Variants in DNM3 observed in about 807,000 individuals in gnomAD.
DNM3 encodes the protein dynamin-3.
DNM3 carries 47 observed loss-of-function variants against 101.6 expected under a neutral mutation model. That is an observed-to-expected ratio of 0.46 (90% CI 0.37 to 0.59). The LOEUF is 0.59. Among genes scored for constraint, DNM3 ranks in the 20% least tolerant of loss-of-function variants. The pLI is 0.00. For missense variants in DNM3, 849 were observed against 1,085.7 expected (o/e 0.78, Z 3.06); for synonymous variants, 385 against 387.9 (o/e 0.99, Z 0.09).
Position 171,992,642 on chromosome 1 carries a change from C to T in DNM3, c.589+3494C>T, listed in dbSNP as rs186596350. Among the ~76,000 whole-genome samples, 16 of 152,184 alleles carry T rather than the reference C, an allele frequency of 1.1e-4. No homozygotes were observed. In the East Asian group the frequency reaches 2.5e-3, roughly 24 times the overall value. On this transcript the variant is annotated intron_variant, in intron 4 of 20. Transcript: ENST00000627582. ...GAACTGCTGCTCCACCATTTACAGA[C>T]CTACTTGCCCCCAGTTTTTATATCC... is the stretch of plus-strand genomic sequence containing the variant.
Position 172,412,503 on chromosome 1 carries a change from T to C in DNM3, c.*4662T>C. ...AGGAATATACAGAAGTAAAATCTTGTCTTCTCTGCTGATTCTTTAATTAAT... is the reference window on the plus strand; with the variant it reads ...AGGAATATACAGAAGTAAAATCTTGCCTTCTCTGCTGATTCTTTAATTAAT... On this transcript the variant is annotated 3_prime_UTR_variant, in exon 21 of 21. Coordinates refer to ENST00000627582, the MANE Select transcript of DNM3 (RefSeq NM_015569.5). 1.0e-6 allele frequency: 1 copy of C among 985,832 alleles called. No individual in the cohort carries two copies. The highest frequency in any genetic ancestry group is 1.2e-6 in the Non-Finnish European group (1 of 829,902). 61.1% of individuals were successfully genotyped at this position (985,832 alleles called of 1,614,324 possible).
chr1:171,857,516 T>A (rs1056228623), intron 1 of DNM3, among the ~76,000 whole-genome samples: 3 of 152,302 alleles, frequency 2.0e-5, no homozygotes, highest in Non-Finnish European at 4.4e-5. Context: ...AGATCTTCCA[T>A]TCTACCATCA....
At chr1:172,327,489 C>T (rs2065984586) in intron 17 of DNM3, among the ~76,000 whole-genome samples, 1 of 152,144 alleles carries the variant, frequency 6.6e-6, no homozygotes, top group Non-Finnish European at 1.5e-5. Context: ...CTCATCCTCA[C>T]AATGTGAAAA....
At position 172,061,983 on chromosome 1, in the gene DNM3, C is replaced by G. The variant is rs1056450918; in HGVS notation, c.1336-6836C>G. On this transcript the variant is annotated intron_variant, in intron 10 of 20. Transcript: ENST00000627582. Reference sequence around the variant, plus strand: ...GTAATAGGCTTTAGTGCCCAGGCTTCGAATCAGACTGGTTATTAAAGTCTG... The same window carrying G: ...GTAATAGGCTTTAGTGCCCAGGCTTGGAATCAGACTGGTTATTAAAGTCTG... Among the ~76,000 whole-genome samples, 9 of 152,210 alleles carry G rather than the reference C, an allele frequency of 5.9e-5. No individual in the cohort carries two copies. In the South Asian group the frequency reaches 8.3e-4, roughly 14 times the overall value.
chr1:172,340,073 G>T (rs2066620330), intron 17 of DNM3, among the ~76,000 whole-genome samples: 1 of 152,154 alleles, frequency 6.6e-6, no homozygotes, highest in South Asian at 2.1e-4. Context: ...GCTGTATGAA[G>T]AATGGATTTA....
At chr1:172,294,779 CT>C (rs71808501) in intron 15 of DNM3, among the ~76,000 whole-genome samples, 15,233 of 151,782 alleles carry the variant, frequency 0.1, 1,070 homozygotes, top group African/African-American at 0.2. Context: ...CAGGCTGGGA[CT>C]GCAAGGCTGT....
intron 1 of DNM3, among the ~76,000 whole-genome samples, chr1:171,901,904 C>T (rs898864600): frequency 6.6e-6 from 1 of 152,160 alleles, no homozygotes; most frequent in Non-Finnish European, 1.5e-5. Flanking sequence ...CTTAGTGCTT[C>T]TTACATAAAT....
chr1:172,266,377 A>G (rs1207119448), intron 15 of DNM3, among the ~76,000 whole-genome samples: 6 of 152,184 alleles, frequency 3.9e-5, no homozygotes, highest in Admixed American at 2.0e-4. Context: ...TTACTCTTCC[A>G]TAAATAGGGA....
At chr1:172,133,993 G>C (rs567183980) in intron 14 of DNM3, among the ~76,000 whole-genome samples, 2 of 152,146 alleles carry the variant, frequency 1.3e-5, no homozygotes, top group Non-Finnish European at 2.9e-5. Context: ...TGGATTGATG[G>C]TTTAGAAAGA....
chr1:172,301,834 G>C (rs978091764), intron 15 of DNM3, among the ~76,000 whole-genome samples: 2 of 152,250 alleles, frequency 1.3e-5, no homozygotes, highest in East Asian at 3.9e-4. Flanking sequence ...TAGAGGGTGG[G>C]AGGGAGAGAA....
At chr1:171,938,064 CT>C (rs773988329) in intron 2 of DNM3, among the ~76,000 whole-genome samples, 2 of 147,022 alleles carry the variant, frequency 1.4e-5, no homozygotes, top group Middle Eastern at 3.5e-3. Flanking sequence ...AGCAATCGTT[CT>C]TTTTATGATT....
Position 172,315,289 on chromosome 1 carries a change from GA to G in DNM3, c.1881+6456del, listed in dbSNP as rs1474260128. Among the ~76,000 whole-genome samples the G allele has an allele frequency of 2.6e-5, 4 of 152,142 alleles. No individual in the cohort carries two copies. The East Asian group carries it at 5.8e-4, about 22-fold the overall frequency. On this transcript the variant is annotated intron_variant, in intron 16 of 20. Coordinates refer to ENST00000627582, the MANE Select transcript of DNM3 (RefSeq NM_015569.5). ...AAGTAGATAAAACCACAAAGATGGG[GA>G]AAAAACAGAGCAGAAAAACTGGAAA... is the stretch of plus-strand genomic sequence containing the variant.
chr1:171,945,022 C>T (rs554903437), intron 2 of DNM3, among the ~76,000 whole-genome samples: 1 of 151,194 alleles, frequency 6.6e-6, no homozygotes, highest in Non-Finnish European at 1.5e-5. Context: ...CATCACCATG[C>T]CTGACTGATT....
chr1:172,294,916 A>G (rs1272404724), intron 15 of DNM3, among the ~76,000 whole-genome samples: 1 of 151,010 alleles, frequency 6.6e-6, no homozygotes, highest in African/African-American at 2.4e-5. Context: ...TGTCTCAAAA[A>G]AAAAAAAAAA....
At position 172,407,828 on chromosome 1, in the gene DNM3, C is replaced by T. The variant is rs1461567811; in HGVS notation, c.2579C>T (p.Ser860Phe). The T allele has an allele frequency of 3.7e-6, 6 of 1,613,226 alleles. No homozygotes were observed. Among genetic ancestry groups the T allele is most frequent in the Non-Finnish European group, 5.1e-6 (6 of 1,179,300 alleles). Reference sequence around the variant, plus strand: ...ACTATAATCCGCCCACTAGAATCCTCCCTGTTAGACTAAACGAAGTGTCTG... The same window carrying T: ...ACTATAATCCGCCCACTAGAATCCTTCCTGTTAGACTAAACGAAGTGTCTG... Reference protein sequence around the residue: ...RPTIIRPLESSLLD With the variant: ...RPTIIRPLESFLLD The change falls in exon 21 of 21, where the codon TCC (serine) becomes TTC (phenylalanine). Residue 860 changes from serine to phenylalanine, a missense_variant. Ser to Phe is a radical substitution (Grantham distance 155, BLOSUM62 -2). Around this residue, in one of 5 missense-constraint regions of DNM3, gnomAD observed 256 missense variants for 311.7 expected, o/e 0.82. Coordinates refer to ENST00000627582, the MANE Select transcript of DNM3 (RefSeq NM_015569.5).
At chr1:172,120,933 C>T (rs1002870138) in intron 13 of DNM3, among the ~76,000 whole-genome samples, 1 of 152,142 alleles carries the variant, frequency 6.6e-6, no homozygotes, top group African/African-American at 2.4e-5. Flanking sequence ...TGCTCACTAA[C>T]TTTCTATTAA....
Position 171,851,243 on chromosome 1 carries a change from G to T in DNM3, c.161+9426G>T, listed in dbSNP as rs182041170. Among the ~76,000 whole-genome samples, 33 of 152,296 alleles carry T rather than the reference G, an allele frequency of 2.2e-4. No individual in the cohort carries two copies. The East Asian group carries it at 5.2e-3, about 24-fold the overall frequency. On this transcript the variant is annotated intron_variant, in intron 1 of 20. Transcript: ENST00000627582. The stretch of plus-strand genomic sequence containing the variant: ...CTCAACTATTTGCAGCTTCCACGAA[G>T]CCAGGAGCTGTGTCTCCTTTATCAT...
At chr1:172,376,331 C>T (rs2068598878) in intron 17 of DNM3, 1 of 151,988 alleles carries the variant, frequency 6.6e-6, no homozygotes. Context: ...CCTCAAAGAT[C>T]AGAGACAAAT....
chr1:172,101,928 G>A (rs1475614482), intron 13 of DNM3, among the ~76,000 whole-genome samples: 6 of 151,214 alleles, frequency 4.0e-5, no homozygotes, highest in Admixed American at 6.6e-5. Flanking sequence ...GTGTGATATC[G>A]GCTCACCGCA....
Sources: gnomAD v4.1 joint callset for allele counts (sites outside exome capture counted in the v4.1 genomes callset) on GRCh38, gnomAD v4.1.1 for gene constraint, gnomAD v4.1.1 regional missense constraint, MANE v1.5 for transcripts, NCBI Gene and HGNC (gene_info 2026-07-23, HGNC 2026-07-21) for gene names.